The following FOXA2 variants were observed in gnomAD, a reference collection of about 807,000 sequenced individuals.
FOXA2 encodes the protein forkhead box A2, also known as hepatocyte nuclear factor 3-beta.
In FOXA2, 9 loss-of-function variants were observed where a neutral mutation model predicts 33.3. The ratio of observed to expected loss-of-function variants is 0.27; its 90% CI spans 0.16 to 0.47. The LOEUF is 0.47. FOXA2 is among the 20% of genes least tolerant of loss of function. The probability of loss-of-function intolerance (pLI) is 0.99; values close to 1 mark genes in which losing one functional copy is unlikely to be tolerated. For synonymous variants in FOXA2, 329 were observed against 289.4 expected (o/e 1.14, Z -1.39); for missense variants, 704 against 659.9 (o/e 1.07, Z -0.73).
At position 22,581,603 on chromosome 20, in the gene FOXA2, A is replaced by T; in HGVS notation, c.*247T>A. 7.6e-6 allele frequency: 3 copies of T among 392,628 alleles called. No individual in the cohort carries two copies. The highest frequency in any genetic ancestry group is 1.4e-5 in the Non-Finnish European group (3 of 220,824). 24.3% of individuals were successfully genotyped at this position (392,628 alleles called of 1,614,324 possible). On this transcript the variant is annotated 3_prime_UTR_variant, in exon 2 of 2. Coordinates refer to ENST00000419308, the MANE Select transcript of FOXA2 (RefSeq NM_021784.5). ...AAACCGGAGGCTTTTTTTTAACTTT[A>T]TATTCTTTCCCGTTTTCCTCCTTAT...
chr20:22,581,520 C>T lies in FOXA2; in HGVS notation c.*330G>A, dbSNP rs961256010. ...CAACAGCAATGGAGGAGAACAACAA[C>T]AACAAAAAAATCAGAATCTGCAGGT... is the stretch of plus-strand genomic sequence containing the variant. On this transcript the variant is annotated 3_prime_UTR_variant, in exon 2 of 2. Transcript: ENST00000419308. 1.1e-4 allele frequency: 22 copies of T among 209,292 alleles called. No individual in the cohort carries two copies. The highest frequency in any genetic ancestry group is 9.2e-4 in the Admixed American group (16 of 17,486). 13.0% of individuals were successfully genotyped at this position (209,292 alleles called of 1,614,324 possible).
chr20:22,583,720 G>A (rs1470112200), intron 1 of FOXA2, among the ~76,000 whole-genome samples: 26 of 152,176 alleles, frequency 1.7e-4, no homozygotes, highest in Admixed American at 1.7e-3. Context: ...CACTGAACGG[G>A]GCAATAGGGA....
At position 22,582,211 on chromosome 20, in the gene FOXA2, G is replaced by T; in HGVS notation, c.1031C>A (p.Ser344Tyr). ...AALSPPEPAP[S>Y]PGQQQQAAAH... ...CGCGGCCTGCTGCTGCTGCCCGGGA[G>T]AGGGCGCCGGCTCTGGGGGGCTCAG... The change falls in exon 2 of 2, where the codon TCT (serine) becomes TAT (tyrosine). Residue 344 changes from serine to tyrosine, a missense_variant. Coordinates refer to ENST00000419308, the MANE Select transcript of FOXA2 (RefSeq NM_021784.5). 6.5e-7 allele frequency: 1 copy of T among 1,543,982 alleles called. No individual in the cohort carries two copies.
At chr20:22,583,461 A>T (rs1430270759) in intron 1 of FOXA2, among the ~76,000 whole-genome samples, 1 of 152,060 alleles carries the variant, frequency 6.6e-6, no homozygotes, top group South Asian at 2.1e-4. Context: ...CCCCAAATAC[A>T]TTCCCCTACC....
intron 1 of FOXA2, among the ~76,000 whole-genome samples, chr20:22,583,523 C>G (rs1460273138): frequency 2.6e-5 from 4 of 152,212 alleles, no homozygotes; most frequent in Non-Finnish European, 2.9e-5. Flanking sequence ...CGCCGAGGCC[C>G]GAAGTCCCCG....
intron 1 of FOXA2, among the ~76,000 whole-genome samples, chr20:22,583,628 C>G (rs904719504): frequency 6.6e-6 from 1 of 152,234 alleles, no homozygotes; most frequent in Admixed American, 6.5e-5. Context: ...CCCCTCTGTC[C>G]GGTCTCCCTC....
upstream of FOXA2, among the ~76,000 whole-genome samples, chr20:22,585,062 C>G (rs925106418): frequency 2.0e-5 from 3 of 152,130 alleles, no homozygotes; most frequent in African/African-American, 7.2e-5. Flanking sequence ...GGGGCGGCTC[C>G]GGCCTCCAGC....
Position 22,582,388 on chromosome 20 carries a change from CCGGCGGCCGCCTTCTTGCCGCTG to C in FOXA2, c.831_853del (p.Gly279ProfsTer81), listed in dbSNP as rs1984610832. 1 of 1,542,872 alleles carries C rather than the reference CCGGCGGCCGCCTTCTTGCCGCTG, an allele frequency of 6.5e-7. No homozygotes were observed. Among genetic ancestry groups the C allele is most frequent in the African/African-American group, 1.4e-5 (1 of 72,206 alleles). ...GAGTTGAGCCTGTGAGGCCTGGGCT[CCGGCGGCCGCCTTCTTGCCGCTG>C]CCGGCGGCGCCTGCGGCCTCCTTCA... On this transcript the variant is annotated frameshift_variant, in exon 2 of 2. Coordinates refer to ENST00000419308, the MANE Select transcript of FOXA2 (RefSeq NM_021784.5). LOFTEE classifies it high-confidence loss of function.
chr20:22,584,390 G>T lies in FOXA2; in HGVS notation c.-112C>A. Reference sequence around the variant, plus strand: ...CCGTCCCCTCCTCCCTCCCTCTCTCGCGCTCCCTCTCCCTGGGCTCCACTC... The same window carrying T: ...CCGTCCCCTCCTCCCTCCCTCTCTCTCGCTCCCTCTCCCTGGGCTCCACTC... On this transcript the variant is annotated 5_prime_UTR_variant, in exon 1 of 2. Transcript: ENST00000419308. 1 of 843,416 alleles carries T rather than the reference G, an allele frequency of 1.2e-6. No homozygotes were observed. The highest frequency in any genetic ancestry group is 1.9e-6 in the Non-Finnish European group (1 of 517,612). 52.2% of individuals were successfully genotyped at this position (843,416 alleles called of 1,614,324 possible).
At position 22,581,886 on chromosome 20, in the gene FOXA2, C is replaced by T. The variant is rs1984584112; in HGVS notation, c.1356G>A (p.Gln452=). 1.2e-6 allele frequency: 2 copies of T among 1,606,836 alleles called. No homozygotes were observed. Among genetic ancestry groups the T allele is most frequent in the Non-Finnish European group, 1.7e-6 (2 of 1,174,136 alleles). Residue 452 remains glutamine (Q), a synonymous_variant, in exon 2 of 2, where the codon CAG becomes CAA. Transcript: ENST00000419308. The part of the protein sequence containing the change: ...SPLAADTSYY[Q]GVYSRPIMNS... ...TCATAATGGGCCGGGAGTACACCCC[C>T]TGGTAGTAGGAGGTATCTGCGGCCA... is the stretch of plus-strand genomic sequence containing the variant.
chr20:22,581,895 G>A lies in FOXA2; in HGVS notation c.1347C>T (p.Ser449=), dbSNP rs1270618189. The change falls in exon 2 of 2, where the codon TCC becomes TCT. Residue 449 remains serine, a synonymous_variant. Transcript: ENST00000419308. ...GCCGGGAGTACACCCCCTGGTAGTA[G>A]GAGGTATCTGCGGCCAGGGGCGAGG... is the stretch of plus-strand genomic sequence containing the variant. ...LDASPLAADT[S]YYQGVYSRPI... is the part of the protein sequence containing the mutation. 1 of 1,606,184 alleles carries A rather than the reference G, an allele frequency of 6.2e-7. No homozygotes were observed. Among genetic ancestry groups the A allele is most frequent in the South Asian group, 1.1e-5 (1 of 90,874 alleles).
chr20:22,582,006 T>C lies in FOXA2; in HGVS notation c.1236A>G (p.Glu412=). The C allele has an allele frequency of 1.2e-6, 2 of 1,614,106 alleles. No homozygotes were observed. The highest frequency in any genetic ancestry group is 1.7e-6 in the Non-Finnish European group (2 of 1,179,994). ...QPHKMDLKAY[E]QVMHYPGYGS... ...CGTAGCCGGGGTAGTGCATCACCTGTTCGTAGGCCTTGAGGTCCATTTTGT... is the reference window on the plus strand; with the variant it reads ...CGTAGCCGGGGTAGTGCATCACCTGCTCGTAGGCCTTGAGGTCCATTTTGT... Residue 412 remains glutamate (E), a synonymous_variant, in exon 2 of 2, where the codon GAA becomes GAG. Coordinates refer to ENST00000419308, the MANE Select transcript of FOXA2 (RefSeq NM_021784.5).
In FOXA2 at chr20:22,582,123, T is replaced by G. The variant is rs140377203; in HGVS notation, c.1119A>C (p.Glu373Asp). Residue 373 changes from glutamate (E) to aspartate (D), a missense_variant, in exon 2 of 2, where the codon GAA (glutamate) becomes GAC (aspartate). Coordinates refer to ENST00000419308, the MANE Select transcript of FOXA2 (RefSeq NM_021784.5). ...ACGGGTGGTTGAAGGCGTAGTGGTG[T>G]TCCGGCTTCAGGTGGGCCTCAGGCG... is the stretch of plus-strand genomic sequence containing the variant. ...GLPPEAHLKP[E>D]HHYAFNHPFS... 21 of 1,596,762 alleles carry G rather than the reference T, an allele frequency of 1.3e-5. No homozygotes were observed. In the African/African-American group the frequency reaches 2.7e-4, roughly 20 times the overall value.
intron 1 of FOXA2, 81 bp downstream of exon 1, chr20:22,584,111 C>T (rs1316580326): frequency 7.3e-7 from 1 of 1,375,266 alleles, no homozygotes; most frequent in Non-Finnish European, 1.0e-6. Flanking sequence ...TGGGGGGGTG[C>T]CAGCGAGGGA....
chr20:22,583,447 A>T (rs1984660451), intron 1 of FOXA2, among the ~76,000 whole-genome samples: 1 of 152,160 alleles, frequency 6.6e-6, no homozygotes, highest in African/African-American at 2.4e-5. Context: ...CTCCCAAGCC[A>T]GCACCCCAAA....
Position 22,584,297 on chromosome 20 carries a change from A to T in FOXA2, c.-19T>A. ...AGTGCATGGCAGTTTAAAATTTAACAGCCACAACAAACGACCAGCAATCAC... is the reference window on the plus strand; with the variant it reads ...AGTGCATGGCAGTTTAAAATTTAACTGCCACAACAAACGACCAGCAATCAC... On this transcript the variant is annotated 5_prime_UTR_variant, in exon 1 of 2. Transcript: ENST00000419308. 1 of 1,606,334 alleles carries T rather than the reference A, an allele frequency of 6.2e-7. No homozygotes were observed. The highest frequency in any genetic ancestry group is 8.5e-7 in the Non-Finnish European group (1 of 1,173,434).
upstream of FOXA2, among the ~76,000 whole-genome samples, chr20:22,584,621 G>T (rs569532601): frequency 2.0e-3 from 298 of 150,854 alleles, 1 homozygote; most frequent in African/African-American, 6.8e-3. Flanking sequence ...GGGGCTAGTG[G>T]GGGGGTGGGG....
chr20:22,583,109 C>T lies in FOXA2; in HGVS notation c.133G>A (p.Gly45Ser). ...SNMNAGLGMN[G>S]MNTYMSMSAA... ...GACATGCTCATGTACGTGTTCATGC[C>T]GTTCATCCCCAGGCCGGCGTTCATG... The change falls in exon 2 of 2, where the codon GGC becomes AGC. Residue 45 changes from glycine (G) to serine (S), a missense_variant. Coordinates refer to ENST00000419308, the MANE Select transcript of FOXA2 (RefSeq NM_021784.5). 8 of 1,607,490 alleles carry T rather than the reference C, an allele frequency of 5.0e-6. No individual in the cohort carries two copies. The highest frequency in any genetic ancestry group is 6.8e-6 in the Non-Finnish European group (8 of 1,179,856).
rs1555808986 is a variant in FOXA2, at chr20:22,581,460, ATT to A, written c.*388_*389del. The A allele has an allele frequency of 2.3e-4, 36 of 154,914 alleles. No homozygotes were observed. Among genetic ancestry groups the A allele is most frequent in the Non-Finnish European group, 3.7e-4 (27 of 72,058 alleles). The allele number at this position is 154,914 out of a possible 1,614,324, so 9.6% of individuals were successfully genotyped here. On this transcript the variant is annotated 3_prime_UTR_variant, in exon 2 of 2. Coordinates refer to ENST00000419308, the MANE Select transcript of FOXA2 (RefSeq NM_021784.5). ...GGTTTTACACCGAGTCACTCACAAA[ATT>A]TTTTTTTTTTTTTAAGTAAGACTTC...
Sources: allele counts gnomAD v4.1 joint callset (sites outside exome capture counted in the v4.1 genomes callset), GRCh38; gene constraint gnomAD v4.1.1; transcripts MANE v1.5; gene names NCBI Gene and HGNC (gene_info 2026-07-23, HGNC 2026-07-21).